The following COL16A1 variants were observed in gnomAD, a reference collection of about 807,000 sequenced individuals.
COL16A1 encodes collagen type XVI alpha 1 chain, also known as collagen alpha-1(XVI) chain.
In COL16A1, 189 loss-of-function variants were observed where a neutral mutation model predicts 266.3. The observed-to-expected ratio is 0.71, with a 90% CI of 0.63 to 0.80. The LOEUF (loss-of-function observed/expected upper bound fraction) is 0.80, where lower values mean the gene tolerates loss of function less well. Ranked by LOEUF, COL16A1 falls within the 30% of genes least tolerant of loss-of-function variation. The pLI, the probability that COL16A1 is intolerant of heterozygous loss-of-function variation, is 0.00. For synonymous variants in COL16A1, 740 were observed against 782.3 expected (o/e 0.95, Z 0.90); for missense variants, 1,928 against 2,122.4 (o/e 0.91, Z 1.80).
At position 31,683,994 on chromosome 1, in the gene COL16A1, C is replaced by T. The variant is rs545997076; in HGVS notation, c.2293G>A (p.Gly765Ser). Residue 765 changes from glycine (G) to serine (S), a missense_variant, in exon 33 of 71, where the codon GGT (glycine) becomes AGT (serine). Coordinates refer to ENST00000373672, the MANE Select transcript of COL16A1 (RefSeq NM_001856.4). Reference protein sequence around the residue: ...VGRPGKPGQPGLPGVQGPPGL... With the variant: ...VGRPGKPGQPSLPGVQGPPGL... ...GGGGGCCCTTGAACTCCTGGTAGACCGGGTTGGCCCTAAAAGGCATAAGGT... is the reference window on the plus strand; with the variant it reads ...GGGGGCCCTTGAACTCCTGGTAGACTGGGTTGGCCCTAAAAGGCATAAGGT... 58 of 1,614,086 alleles carry T rather than the reference C, an allele frequency of 3.6e-5. No individual in the cohort carries two copies. Among genetic ancestry groups the T allele is most frequent in the African/African-American group, 1.6e-4 (12 of 74,942 alleles).
rs1481047036 is a variant in COL16A1, at chr1:31,652,656, CA to C, written c.4809del (p.Phe1603LeufsTer17). On this transcript the variant is annotated frameshift_variant, in exon 71 of 71. Transcript: ENST00000373672. LOFTEE classifies it high-confidence loss of function. This position sits in a 1 kb window ranked among gnomAD's most constrained non-coding sequence, Gnocchi z 4.8. The part of the protein sequence containing the change: ...YPPMKTMKGP[F>X]G ...CCAAAGGCAGGTGGGGAATTTCAGC[CA>C]AAAGGCCCCTTCATGGTTTTCATGG... 2.5e-6 allele frequency: 4 copies of C among 1,572,350 alleles called. No homozygotes were observed. The highest frequency in any genetic ancestry group is 3.4e-6 in the Non-Finnish European group (4 of 1,164,780).
In COL16A1 at chr1:31,691,437, T is replaced by C. The variant is rs764971839; in HGVS notation, c.1378A>G (p.Ile460Val). 1.9e-6 allele frequency: 3 copies of C among 1,612,636 alleles called. No homozygotes were observed. In the East Asian group the frequency reaches 6.7e-5, roughly 36 times the overall value. The change falls in exon 19 of 71, where the codon ATA (isoleucine) becomes GTA (valine). Residue 460 changes from isoleucine (I) to valine (V), a missense_variant. By Grantham distance (29) the Ile-to-Val change is conservative. This residue lies in a region of COL16A1 where 1,552 missense variants were observed against 1,637.2 expected (regional missense o/e 0.95). Transcript: ENST00000373672. ...GPPGLPGPPGIGLPGTPGDPG... is the reference protein window; with the variant it reads ...GPPGLPGPPGVGLPGTPGDPG... ...CTCACCGGGGTCCCAGGCAGTCCTA[T>C]CCCAGGGGGTCCAGGGAGGCCGGGG...
rs759505504 is a variant in COL16A1 at position 31,652,787 on chromosome 1, G to T, written c.4679C>A (p.Pro1560His). Reference sequence around the variant, plus strand: ...GGGACCCGGGGGCCCAGGGATGCCAGGGATGCCTTGCTGGCCCATTGGTCC... The same window carrying T: ...GGGACCCGGGGGCCCAGGGATGCCATGGATGCCTTGCTGGCCCATTGGTCC... ...ATGPMGQQGI[P>H]GIPGPPGPMG... is the part of the protein sequence containing the mutation. Residue 1560 changes from proline to histidine, a missense_variant, in exon 71 of 71, where the codon CCT (proline) becomes CAT (histidine). This residue lies in a region of COL16A1 where 376 missense variants were observed against 485.2 expected (regional missense o/e 0.77). Coordinates refer to ENST00000373672, the MANE Select transcript of COL16A1 (RefSeq NM_001856.4). The surrounding 1 kb of genome is among the most constrained non-coding windows in gnomAD (Gnocchi z 4.8). The T allele has an allele frequency of 6.2e-7, 1 of 1,600,610 alleles. No individual in the cohort carries two copies. The highest frequency in any genetic ancestry group is 1.3e-5 in the African/African-American group (1 of 74,310).
At chr1:31,674,911 T>C in intron 44 of COL16A1, 96 bp downstream of exon 44, 1 of 1,542,712 alleles carries the variant, frequency 6.5e-7, no homozygotes, top group Non-Finnish European at 8.8e-7. Context: ...ACTGCTGCTC[T>C]CTCTGCGAGG....
rs1169328086 is a variant in COL16A1, at chr1:31,693,087, C to T, written c.1071+5G>A. ...TCCTGCCACGGGCAGGGCTGGGACA[C>T]TTACCCGTGCTCCCTTCTCTCCCTT... is the stretch of plus-strand genomic sequence containing the variant. On this transcript the variant is annotated splice_donor_5th_base_variant and intron_variant, in intron 13 of 70. Coordinates refer to ENST00000373672, the MANE Select transcript of COL16A1 (RefSeq NM_001856.4). The T allele has an allele frequency of 6.3e-7, 1 of 1,599,266 alleles. No individual in the cohort carries two copies. Among genetic ancestry groups the T allele is most frequent in the Non-Finnish European group, 8.6e-7 (1 of 1,167,148 alleles).
At chr1:31,659,380 AG>A (rs1213342584) in intron 62 of COL16A1, among the ~76,000 whole-genome samples, 3 of 152,094 alleles carry the variant, frequency 2.0e-5, no homozygotes, top group African/African-American at 7.2e-5. Flanking sequence ...TCCGTGTAGC[AG>A]GGGGTGAGGG....
At position 31,699,873 on chromosome 1, in the gene COL16A1, C is replaced by T. The variant is rs561118813; in HGVS notation, c.206G>A (p.Arg69His). 4.3e-6 allele frequency: 7 copies of T among 1,614,040 alleles called. No homozygotes were observed. The African/African-American group carries it at 5.3e-5, about 12-fold the overall frequency. Residue 69 changes from arginine (R) to histidine (H), a missense_variant, in exon 4 of 71, where the codon CGC becomes CAC. Physicochemically the swap from Arg to His is conservative, Grantham distance 29 (BLOSUM62 0). Around this residue, in one of 2 missense-constraint regions of COL16A1, gnomAD observed 1,552 missense variants for 1,637.2 expected, o/e 0.95. Transcript: ENST00000373672. ...LMKTSAIKKI[R>H]NPKGPLILRL... is the part of the protein sequence containing the mutation. The stretch of plus-strand genomic sequence containing the variant: ...CAGGATGAGAGGCCCCTTGGGGTTG[C>T]GGATCTTCTTGATGGCAGACGTCTT...
At position 31,664,906 on chromosome 1, in the gene COL16A1, C is replaced by G. The variant is rs868565798; in HGVS notation, c.3555+266G>C. ...TCCCCACCTACCTCCCTGCCTTTCC[C>G]CCCATCACAGCAGACAAGGGCCTGG... On this transcript the variant is annotated intron_variant, in intron 56 of 70. Coordinates refer to ENST00000373672, the MANE Select transcript of COL16A1 (RefSeq NM_001856.4). This position sits in a 1 kb window ranked among gnomAD's most constrained non-coding sequence, Gnocchi z 5.5. Among the ~76,000 whole-genome samples, 1 of 152,182 alleles carries G rather than the reference C, an allele frequency of 6.6e-6. No homozygotes were observed. Among genetic ancestry groups the G allele is most frequent in the Non-Finnish European group, 1.5e-5 (1 of 68,024 alleles).
In COL16A1 at chr1:31,657,187, A is replaced by C. The variant is rs1641241361; in HGVS notation, c.4021-119T>G. The C allele has an allele frequency of 5.5e-6, 7 of 1,266,390 alleles. No individual in the cohort carries two copies. The Admixed American group carries it at 1.2e-4, about 22-fold the overall frequency. The allele number at this position is 1,266,390 out of a possible 1,614,324, so 78.4% of individuals were successfully genotyped here. ...TTCCACCCAGAGGCCACGATCCTCC[A>C]GCCCTCACCCTCTGACAATCTGGGC... On this transcript the variant is annotated intron_variant, in intron 64 of 70. Coordinates refer to ENST00000373672, the MANE Select transcript of COL16A1 (RefSeq NM_001856.4). The surrounding 1 kb of genome is among the most constrained non-coding windows in gnomAD (Gnocchi z 6.4).
At chr1:31,694,056 G>A (rs576461112) in intron 12 of COL16A1, 88 bp downstream of exon 12, 4 of 1,307,540 alleles carry the variant, frequency 3.1e-6, no homozygotes, top group Non-Finnish European at 4.3e-6. Flanking sequence ...GGCCCTGATA[G>A]AAACACACAG....
intron 1 of COL16A1, among the ~76,000 whole-genome samples, chr1:31,703,095 G>A (rs1412052235): frequency 6.6e-6 from 1 of 152,162 alleles, no homozygotes; most frequent in Non-Finnish European, 1.5e-5. Context: ...TGTGGTACCA[G>A]TGTGCATACA....
intron 20 of COL16A1, 97 bp downstream of exon 20, chr1:31,691,091 G>T: frequency 6.5e-7 from 1 of 1,535,742 alleles, no homozygotes; most frequent in Non-Finnish European, 8.8e-7. Context: ...CTCCTCCCTG[G>T]GACTTGCTTC....
intron 62 of COL16A1, chr1:31,660,193 CCAAGT>C (rs1324678463): frequency 5.6e-6 from 1 of 178,838 alleles, no homozygotes; most frequent in Non-Finnish European, 1.2e-5. Context: ...AATGTCCTCT[CCAAGT>C]CACCCCATCT....
At chr1:31,677,827 C>T (rs554688969) in intron 42 of COL16A1, among the ~76,000 whole-genome samples, 1 of 152,328 alleles carries the variant, frequency 6.6e-6, no homozygotes, top group African/African-American at 2.4e-5. Flanking sequence ...TAGGTAAGGA[C>T]TCTGGTGCCT....
rs1644216347 is a variant in COL16A1, at chr1:31,690,583, G to A, written c.1438-10C>T. On this transcript the variant is annotated splice_polypyrimidine_tract_variant and intron_variant, in intron 20 of 70. Transcript: ENST00000373672. ...GGATCCCCGAGCTGCCCTGTGGTCA[G>A]AAGAAAGGATAAGCGGGGAGCCTTC... 6.2e-7 allele frequency: 1 copy of A among 1,613,500 alleles called. No individual in the cohort carries two copies. The highest frequency in any genetic ancestry group is 1.3e-5 in the African/African-American group (1 of 75,000).
Position 31,699,567 on chromosome 1 carries a change from C to T in COL16A1, c.266+246G>A, listed in dbSNP as rs867119897. On this transcript the variant is annotated intron_variant, in intron 4 of 70. Transcript: ENST00000373672. ...ACATCCTGTGTTCTCACAGTGCCCA[C>T]AGGATGCAGACCTGTTCCCACCCAC... is the stretch of plus-strand genomic sequence containing the variant. Among the ~76,000 whole-genome samples, 62 of 152,236 alleles carry T rather than the reference C, an allele frequency of 4.1e-4. 1 individual carries two copies. Among genetic ancestry groups the T allele is most frequent in the African/African-American group, 1.4e-3 (57 of 41,462 alleles).
rs1032571730 is a variant in COL16A1 at position 31,655,585 on chromosome 1, G to C, written c.4102-83C>G. On this transcript the variant is annotated intron_variant, in intron 66 of 70. Coordinates refer to ENST00000373672, the MANE Select transcript of COL16A1 (RefSeq NM_001856.4). ...CTCTTTTCTCTCCACCCTCCCACCA[G>C]GCCCCCAGCGTCTCCCTCTAGACTG... 2.5e-6 allele frequency: 4 copies of C among 1,571,560 alleles called. No homozygotes were observed. In the African/African-American group the frequency reaches 4.1e-5, roughly 16 times the overall value.
At position 31,684,864 on chromosome 1, in the gene COL16A1, G is replaced by A. The variant is rs1359772933; in HGVS notation, c.2017-8C>T. On this transcript the variant is annotated splice_polypyrimidine_tract_variant and splice_region_variant and intron_variant, in intron 29 of 70. Transcript: ENST00000373672. ...ACGCTCTCCAGCCTTGCCCTGAGGA[G>A]AAAGCATTTCCAGCACCCGCTCACT... The A allele has an allele frequency of 2.5e-6, 4 of 1,613,622 alleles. No individual in the cohort carries two copies. Among genetic ancestry groups the A allele is most frequent in the South Asian group, 1.1e-5 (1 of 91,084 alleles).
chr1:31,685,418 G>A lies in COL16A1; in HGVS notation c.2016+221C>T, dbSNP rs1643918241. ...GGAACCCAGGTCTCTCTGCTCCTAG[G>A]ATGGCGTGCTTTCTGCCCACTCTGC... On this transcript the variant is annotated intron_variant, in intron 29 of 70. Coordinates refer to ENST00000373672, the MANE Select transcript of COL16A1 (RefSeq NM_001856.4). This position sits in a 1 kb window ranked among gnomAD's most constrained non-coding sequence, Gnocchi z 4.0. 6.6e-6 allele frequency among the ~76,000 whole-genome samples: 1 copy of A among 152,168 alleles called. No homozygotes were observed. Among genetic ancestry groups the A allele is most frequent in the Non-Finnish European group, 1.5e-5 (1 of 68,020 alleles).
Sources: allele counts gnomAD v4.1 joint callset (sites outside exome capture counted in the v4.1 genomes callset), GRCh38; gene constraint gnomAD v4.1.1; regional missense constraint gnomAD v4.1.1; non-coding constraint Gnocchi (gnomAD v3.1); transcripts MANE v1.5; gene names NCBI Gene and HGNC (gene_info 2026-07-23, HGNC 2026-07-21).